Variants in TLR7 observed in about 807,000 individuals in gnomAD.
The protein encoded by TLR7 is toll like receptor 7.
TLR7 carries 12 observed loss-of-function variants against 38.3 expected under a neutral mutation model. The ratio of observed to expected loss-of-function variants is 0.31; its 90% CI spans 0.20 to 0.51. The LOEUF (loss-of-function observed/expected upper bound fraction) is 0.51. Ranked by LOEUF, TLR7 falls within the 20% of genes least tolerant of loss-of-function variation. The pLI is 0.98. For missense variants in TLR7, 504 were observed against 743.4 expected, an observed-to-expected ratio of 0.68 and a Z score of 3.74; for synonymous variants, 285 against 293.8, an observed-to-expected ratio of 0.97 and a Z score of 0.31.
In TLR7 at chrX:12,887,678, A is replaced by C. The variant is rs200243316; in HGVS notation, c.2170A>C (p.Ser724Arg). ...TGAGAGATTATCCAACTGTTCCAGAAGCCTCAAGAATCTGATTCTTAAGAA... is the reference window on the plus strand; with the variant it reads ...TGAGAGATTATCCAACTGTTCCAGACGCCTCAAGAATCTGATTCTTAAGAA... ...VPERLSNCSR[S>R]LKNLILKNNQ... The change falls in exon 3 of 3, where the codon AGC (serine) becomes CGC (arginine). Residue 724 changes from serine (S) to arginine (R), a missense_variant. Coordinates refer to ENST00000380659, the MANE Select transcript of TLR7 (RefSeq NM_016562.4). 49 of 1,210,009 alleles carry C rather than the reference A, an allele frequency of 4.0e-5. No individual in the cohort carries two copies. Among genetic ancestry groups the C allele is most frequent in the Non-Finnish European group, 5.4e-5 (48 of 895,298 alleles).
chrX:12,883,057 G>T (rs1037629139), intron 2 of TLR7, among the ~76,000 whole-genome samples: 3 of 111,831 alleles, frequency 2.7e-5, no homozygotes, highest in African/African-American at 9.8e-5. Flanking sequence ...GCCAGGGGTT[G>T]GGTCCAGGGC....
intron 2 of TLR7, among the ~76,000 whole-genome samples, chrX:12,869,471 G>A (rs185524471): frequency 1.8e-5 from 2 of 111,262 alleles, no homozygotes; most frequent in Admixed American, 9.6e-5. Flanking sequence ...ATTATCCTCA[G>A]CAAACTAACA....
chrX:12,869,689 G>T (rs1445236098), intron 2 of TLR7, among the ~76,000 whole-genome samples: 1 of 109,380 alleles, frequency 9.1e-6, no homozygotes, highest in South Asian at 3.9e-4. Flanking sequence ...ACCATGGCAC[G>T]TTTAACTATG....
At chrX:12,884,057 G>T (rs1170920485) in intron 2 of TLR7, among the ~76,000 whole-genome samples, 1 of 111,380 alleles carries the variant, frequency 9.0e-6, no homozygotes, top group Non-Finnish European at 1.9e-5. Context: ...ACGGCTCACT[G>T]CAACCTCAAA....
In TLR7 at chrX:12,885,921, A is replaced by G. The variant is rs761341580; in HGVS notation, c.413A>G (p.Gln138Arg). ...AAATCCCTTTACCTGGATGGAAACC[A>G]GCTACTAGAGATACCGCAGGGCCTC... is the stretch of plus-strand genomic sequence containing the variant. ...YLKSLYLDGN[Q>R]LLEIPQGLPP... is the part of the protein sequence containing the mutation. Residue 138 changes from glutamine (Q) to arginine (R), a missense_variant, in exon 3 of 3, where the codon CAG (glutamine) becomes CGG (arginine). Gln to Arg is a conservative substitution (Grantham distance 43). Coordinates refer to ENST00000380659, the MANE Select transcript of TLR7 (RefSeq NM_016562.4). 6 of 1,210,413 alleles carry G rather than the reference A, an allele frequency of 5.0e-6. No homozygotes were observed. Among genetic ancestry groups the G allele is most frequent in the Non-Finnish European group, 6.7e-6 (6 of 895,292 alleles).
At chrX:12,871,466 C>A (rs1402576659) in intron 2 of TLR7, among the ~76,000 whole-genome samples, 1 of 111,725 alleles carries the variant, frequency 9.0e-6, no homozygotes, top group Admixed American at 9.5e-5. Flanking sequence ...GCAATCGCCC[C>A]GGCCATTGCT....
In TLR7 at chrX:12,887,440, A is replaced by G. The variant is rs2042915446; in HGVS notation, c.1932A>G (p.Gln644=). ...GAGAAGGTGATAACAGATACTTACA[A>G]TTATTCAAGAATCTGCTAAAATTAG... The part of the protein sequence containing the change: ...LWREGDNRYL[Q]LFKNLLKLEE... Residue 644 remains glutamine (Q), a synonymous_variant, in exon 3 of 3, where the codon CAA becomes CAG. Coordinates refer to ENST00000380659, the MANE Select transcript of TLR7 (RefSeq NM_016562.4). 1 of 1,208,017 alleles carries G rather than the reference A, an allele frequency of 8.3e-7. No homozygotes were observed. The highest frequency in any genetic ancestry group is 1.8e-5 in the South Asian group (1 of 56,450).
chrX:12,887,531 C>G lies in TLR7; in HGVS notation c.2023C>G (p.Pro675Ala). The G allele has an allele frequency of 1.7e-6, 2 of 1,211,491 alleles. No individual in the cohort carries two copies. Among genetic ancestry groups the G allele is most frequent in the South Asian group, 3.5e-5 (2 of 56,932 alleles). The change falls in exon 3 of 3, where the codon CCA becomes GCA. Residue 675 changes from proline (P) to alanine (A), a missense_variant. Physicochemically the swap from Pro to Ala is conservative, Grantham distance 27 (BLOSUM62 -1). Transcript: ENST00000380659. ...LPSGVFDGMP[P>A]NLKNLSLAKN... is the part of the protein sequence containing the mutation. ...TTCTGGAGTTTTTGATGGTATGCCT[C>G]CAAATCTAAAGAATCTCTCTTTGGC...
At chrX:12,868,223 T>C (rs1305953796) in intron 2 of TLR7, among the ~76,000 whole-genome samples, 1 of 111,982 alleles carries the variant, frequency 8.9e-6, no homozygotes, top group African/African-American at 3.2e-5. Context: ...AAAAGGATTC[T>C]GGCTAAACCG....
intron 2 of TLR7, among the ~76,000 whole-genome samples, chrX:12,869,328 A>G (rs2042844250): frequency 8.9e-6 from 1 of 112,212 alleles, no homozygotes; most frequent in Admixed American, 9.5e-5. Context: ...TTACACTTTT[A>G]GAAACTCTTC....
In TLR7 at chrX:12,887,504, C is replaced by T; in HGVS notation, c.1996C>T (p.Pro666Ser). 1 of 1,210,410 alleles carries T rather than the reference C, an allele frequency of 8.3e-7. No homozygotes were observed. Among genetic ancestry groups the T allele is most frequent in the South Asian group, 1.8e-5 (1 of 56,856 alleles). ...DISKNSLSFL[P>S]SGVFDGMPPN... Reference sequence around the variant, plus strand: ...CTCTAAAAATTCCCTAAGTTTCTTGCCTTCTGGAGTTTTTGATGGTATGCC... The same window carrying T: ...CTCTAAAAATTCCCTAAGTTTCTTGTCTTCTGGAGTTTTTGATGGTATGCC... The change falls in exon 3 of 3, where the codon CCT becomes TCT. Residue 666 changes from proline (P) to serine (S), a missense_variant. Coordinates refer to ENST00000380659, the MANE Select transcript of TLR7 (RefSeq NM_016562.4).
chrX:12,881,431 T>TTTATTCTTTTTAATGAG (rs2042891157), intron 2 of TLR7, among the ~76,000 whole-genome samples: 1 of 107,179 alleles, frequency 9.3e-6, no homozygotes, highest in African/African-American at 3.4e-5. Context: ...AAATGAGTCA[T>TTTATTCTTTTTAATGAG]TTATTCTTTT....
intron 2 of TLR7, among the ~76,000 whole-genome samples, chrX:12,872,476 C>T (rs1359266714): frequency 9.0e-6 from 1 of 110,520 alleles, no homozygotes; most frequent in Admixed American, 9.6e-5. Flanking sequence ...TGGTGGTTGT[C>T]GTATAGCCAG....
Position 12,886,215 on chromosome X carries a change from T to A in TLR7, c.707T>A (p.Met236Lys). ...ACAGAACTATATCTCTACAACAACA[T>A]GATTGCAAAAATCCAAGAAGATGAT... ...TLTELYLYNN[M>K]IAKIQEDDFN... Residue 236 changes from methionine (M) to lysine (K), a missense_variant, in exon 3 of 3, where the codon ATG (methionine) becomes AAG (lysine). Met to Lys is a moderately conservative substitution (Grantham distance 95, BLOSUM62 -1). Transcript: ENST00000380659. 1 of 1,211,612 alleles carries A rather than the reference T, an allele frequency of 8.3e-7. No individual in the cohort carries two copies. Among genetic ancestry groups the A allele is most frequent in the African/African-American group, 1.7e-5 (1 of 57,812 alleles).
intron 2 of TLR7, among the ~76,000 whole-genome samples, chrX:12,873,894 G>C (rs2042862111): frequency 8.9e-6 from 1 of 112,450 alleles, no homozygotes; most frequent in African/African-American, 3.2e-5. Flanking sequence ...TTCTTTTTAA[G>C]GGACATTTGA....
At chrX:12,871,848 T>C (rs1204853172) in intron 2 of TLR7, among the ~76,000 whole-genome samples, 1 of 111,285 alleles carries the variant, frequency 9.0e-6, no homozygotes, top group East Asian at 2.8e-4. Flanking sequence ...ACTATAAAAA[T>C]AAAAGCGTTC....
rs1569109948 is a variant in TLR7 at position 12,888,104 on chromosome X, G to A, written c.2596G>A (p.Asp866Asn). Residue 866 changes from aspartate (D) to asparagine (N), a missense_variant, in exon 3 of 3, where the codon GAT (aspartate) becomes AAT (asparagine). Asp to Asn is a conservative substitution (Grantham distance 23). Transcript: ENST00000380659. Reference sequence around the variant, plus strand: ...GACAGCAAGTCACCTCTATTTCTGGGATGTGTGGTATATTTACCATTTCTG... The same window carrying A: ...GACAGCAAGTCACCTCTATTTCTGGAATGTGTGGTATATTTACCATTTCTG... ...MMTASHLYFW[D>N]VWYIYHFCKA... 7.4e-6 allele frequency: 9 copies of A among 1,210,541 alleles called. No homozygotes were observed. Among genetic ancestry groups the A allele is most frequent in the Non-Finnish European group, 8.9e-6 (8 of 894,470 alleles).
In TLR7 at chrX:12,887,843, C is replaced by T. The variant is rs375375608; in HGVS notation, c.2335C>T (p.Leu779Phe). ...ENVLNNLKML[L>F]LHHNRFLCTC... Reference sequence around the variant, plus strand: ...TGTCCTCAACAATCTGAAGATGTTGCTTTTGCATCATAATCGGTTTCTGTG... The same window carrying T: ...TGTCCTCAACAATCTGAAGATGTTGTTTTTGCATCATAATCGGTTTCTGTG... The change falls in exon 3 of 3, where the codon CTT (leucine) becomes TTT (phenylalanine). Residue 779 changes from leucine (L) to phenylalanine (F), a missense_variant. Coordinates refer to ENST00000380659, the MANE Select transcript of TLR7 (RefSeq NM_016562.4). 1.7e-6 allele frequency: 2 copies of T among 1,211,641 alleles called. No individual in the cohort carries two copies. The highest frequency in any genetic ancestry group is 1.7e-5 in the African/African-American group (1 of 57,832).
chrX:12,888,399 C>G lies in TLR7; in HGVS notation c.2891C>G (p.Thr964Ser). The G allele has an allele frequency of 8.3e-7, 1 of 1,211,923 alleles. No homozygotes were observed. Among genetic ancestry groups the G allele is most frequent in the Non-Finnish European group, 1.1e-6 (1 of 895,534 alleles). Residue 964 changes from threonine to serine, a missense_variant, in exon 3 of 3, where the codon ACT becomes AGT. By Grantham distance (58) the Thr-to-Ser change is moderately conservative (BLOSUM62 1). Transcript: ENST00000380659. ...VFVMTDKYAK[T>S]ENFKIAFYLS... Reference sequence around the variant, plus strand: ...GTGATGACAGACAAGTATGCAAAGACTGAAAATTTTAAGATAGCATTTTAC... The same window carrying G: ...GTGATGACAGACAAGTATGCAAAGAGTGAAAATTTTAAGATAGCATTTTAC...
Sources: allele counts gnomAD v4.1 joint callset (sites outside exome capture counted in the v4.1 genomes callset), GRCh38; gene constraint gnomAD v4.1.1; transcripts MANE v1.5; gene names NCBI Gene and HGNC (gene_info 2026-07-23, HGNC 2026-07-21).